The following CEP57L1 variants were observed in gnomAD, a reference collection of about 807,000 sequenced individuals.
The protein encoded by CEP57L1 is centrosomal protein CEP57L1.
A neutral mutation model predicts 61.0 loss-of-function variants in CEP57L1; 37 were observed. The ratio of observed to expected loss-of-function variants is 0.61; its 90% CI spans 0.47 to 0.80. The LOEUF is 0.80. Ranked by LOEUF, CEP57L1 falls within the 30% of genes least tolerant of loss-of-function variation. The probability of loss-of-function intolerance (pLI) is 0.00; values close to 1 mark genes in which losing one functional copy is unlikely to be tolerated. For synonymous variants in CEP57L1, 137 were observed against 162.3 expected, an observed-to-expected ratio of 0.84 and a Z score of 1.19; for missense variants, 422 against 524.7, an observed-to-expected ratio of 0.80 and a Z score of 1.91.
In CEP57L1 at chr6:109,155,793, T is replaced by A; in HGVS notation, c.660T>A (p.Leu220=). The A allele has an allele frequency of 6.6e-7, 1 of 1,510,404 alleles. No homozygotes were observed. The highest frequency in any genetic ancestry group is 9.1e-7 in the Non-Finnish European group (1 of 1,094,604). 93.6% of individuals were successfully genotyped at this position (1,510,404 alleles called of 1,614,324 possible). The stretch of plus-strand genomic sequence containing the variant: ...AACCTTTTTTTTAAATATTACAGCT[T>A]CAAACTGGACTTGAAATCAGTAAAA... The part of the protein sequence containing the change: ...RKLFQDKASE[L]QTGLEISKII... Residue 220 remains leucine, a splice_region_variant and synonymous_variant, in exon 7 of 11, where the codon CTT becomes CTA. Coordinates refer to ENST00000517392, the MANE Select transcript of CEP57L1 (RefSeq NM_001271852.3).
chr6:109,169,147 A>T lies in CEP57L1; in HGVS notation c.*6177A>T, dbSNP rs1356467320. 2.0e-5 allele frequency among the ~76,000 whole-genome samples: 3 copies of T among 148,840 alleles called. No homozygotes were observed. The highest frequency in any genetic ancestry group is 7.4e-5 in the African/African-American group (3 of 40,720). ...AGGCTAAGGCCAGAGGATTGCTTGA[A>T]CCAGGGAGGCGGAGGTTGCAGTAAG... On this transcript the variant is annotated 3_prime_UTR_variant, in exon 11 of 11. Transcript: ENST00000517392.
intron 1 of CEP57L1, among the ~76,000 whole-genome samples, chr6:109,101,295 T>C (rs1782369294): frequency 6.6e-6 from 1 of 152,244 alleles, no homozygotes. Flanking sequence ...ATGCAGTATG[T>C]TGCCTTTTAG....
At chr6:109,119,727 G>A (rs1226085526) in intron 1 of CEP57L1, among the ~76,000 whole-genome samples, 2 of 152,170 alleles carry the variant, frequency 1.3e-5, no homozygotes, top group Admixed American at 6.5e-5. Flanking sequence ...TGGGCCTGGA[G>A]AAGGCATTAG....
chr6:109,126,255 T>C (rs1773550666), intron 1 of CEP57L1, among the ~76,000 whole-genome samples: 1 of 152,184 alleles, frequency 6.6e-6, no homozygotes, highest in Admixed American at 6.5e-5. Context: ...CAAATGAAAA[T>C]ATGTAAGTGC....
intron 3 of CEP57L1, among the ~76,000 whole-genome samples, chr6:109,147,410 T>C (rs1029587990): frequency 6.6e-6 from 1 of 152,082 alleles, no homozygotes; most frequent in Non-Finnish European, 1.5e-5. Flanking sequence ...TTAGAAGACA[T>C]AGGCAAATGG....
intron 1 of CEP57L1, among the ~76,000 whole-genome samples, chr6:109,112,932 A>T (rs1344686569): frequency 6.6e-6 from 1 of 152,114 alleles, no homozygotes; most frequent in Non-Finnish European, 1.5e-5. Flanking sequence ...ACTTCCAATT[A>T]TGTGGTCAAT....
chr6:109,117,915 T>A (rs1345860528), intron 1 of CEP57L1, among the ~76,000 whole-genome samples: 3 of 152,172 alleles, frequency 2.0e-5, no homozygotes, highest in African/African-American at 4.8e-5. Flanking sequence ...CTCAGCACTT[T>A]CAGCATTTGG....
chr6:109,098,456 T>A (rs535792615), intron 1 of CEP57L1, among the ~76,000 whole-genome samples: 2 of 152,154 alleles, frequency 1.3e-5, no homozygotes, highest in African/African-American at 4.8e-5. Context: ...TCTTTCTTTT[T>A]TCCTGAGACA....
At chr6:109,161,545 ATTAC>A (rs1773720788) in intron 10 of CEP57L1, among the ~76,000 whole-genome samples, 1 of 152,172 alleles carries the variant, frequency 6.6e-6, no homozygotes, top group Non-Finnish European at 1.5e-5. Context: ...GCAGAATATT[ATTAC>A]TTTTATTCTT....
At chr6:109,099,800 G>A (rs1171970067) in intron 1 of CEP57L1, among the ~76,000 whole-genome samples, 2 of 152,098 alleles carry the variant, frequency 1.3e-5, no homozygotes, top group Middle Eastern at 3.4e-3. Context: ...CACCCGCCTC[G>A]GCCTCCCAAA....
Position 109,173,593 on chromosome 6 carries a change from TAA to T in CEP57L1, c.*10637_*10638del, listed in dbSNP as rs75064977. 1.5e-3 allele frequency among the ~76,000 whole-genome samples: 218 copies of T among 141,594 alleles called. No individual in the cohort carries two copies. Among genetic ancestry groups the T allele is most frequent in the African/African-American group, 5.2e-3 (198 of 38,268 alleles). The allele number at this position is 141,594 out of a possible 152,430, so 92.9% of individuals were successfully genotyped here. On this transcript the variant is annotated 3_prime_UTR_variant, in exon 11 of 11. Coordinates refer to ENST00000517392, the MANE Select transcript of CEP57L1 (RefSeq NM_001271852.3). ...GTGCATGCCACCACACCTGGCTAAT[TAA>T]AAAAAAAAAAAAATTTTTTTTTTTG...
rs547614483 is a variant in CEP57L1 at position 109,156,051 on chromosome 6, T to C, written c.744+174T>C. 598 of 431,830 alleles carry C rather than the reference T, an allele frequency of 1.4e-3. 5 individuals are homozygous for C. In the Middle Eastern group the frequency reaches 0.022, roughly 16 times the overall value. 26.7% of individuals were successfully genotyped at this position (431,830 alleles called of 1,614,324 possible). ...GTTTGGGGTATAAGGACAGAAAATT[T>C]CATAAGATTCAGGTTAAAAAAAGTA... On this transcript the variant is annotated intron_variant, in intron 7 of 10. Transcript: ENST00000517392.
intron 1 of CEP57L1, among the ~76,000 whole-genome samples, chr6:109,108,243 T>C (rs542576044): frequency 4.3e-4 from 62 of 145,388 alleles, no homozygotes; most frequent in African/African-American, 1.3e-3. Context: ...ATTTTTCTCT[T>C]TTTTTTTTTT....
At chr6:109,136,957 GC>G (rs1770809285) in intron 1 of CEP57L1, among the ~76,000 whole-genome samples, 1 of 151,912 alleles carries the variant, frequency 6.6e-6, no homozygotes, top group African/African-American at 2.4e-5. Flanking sequence ...CTCCATGTTG[GC>G]CAGGCTGGTC....
chr6:109,141,584 C>T (rs1771390822), intron 1 of CEP57L1, among the ~76,000 whole-genome samples: 1 of 151,910 alleles, frequency 6.6e-6, no homozygotes, highest in African/African-American at 2.4e-5. Flanking sequence ...TTTCTATTGA[C>T]CAGTTTTTAT....
chr6:109,125,394 TCTGA>T (rs1773428994), intron 1 of CEP57L1, among the ~76,000 whole-genome samples: 1 of 151,652 alleles, frequency 6.6e-6, no homozygotes. Context: ...CACAATTAAT[TCTGA>T]CTATTAAGTC....
rs1319671421 is a variant in CEP57L1, at chr6:109,162,940, G to A, written c.1353G>A (p.Leu451=). The A allele has an allele frequency of 6.2e-7, 1 of 1,612,146 alleles. No individual in the cohort carries two copies. The highest frequency in any genetic ancestry group is 1.7e-5 in the Admixed American group (1 of 59,964). Residue 451 remains leucine (L), a synonymous_variant, in exon 11 of 11, where the codon TTG becomes TTA. Transcript: ENST00000517392. ...PIRVHNLQMK[L]RRDDIMWEQ ...GAGTTCATAATCTTCAAATGAAATT[G>A]AGAAGAGATGATATCATGTGGGAAC...
rs781543852 is a variant in CEP57L1 at position 109,164,266 on chromosome 6, A to C, written c.*1296A>C. On this transcript the variant is annotated 3_prime_UTR_variant, in exon 11 of 11. Coordinates refer to ENST00000517392, the MANE Select transcript of CEP57L1 (RefSeq NM_001271852.3). ...TTCCCAAGAAGCTTGTGTAGGAAAA[A>C]GTTGGTAATTATGGATCTTTTGGGG... 2.0e-5 allele frequency among the ~76,000 whole-genome samples: 3 copies of C among 152,180 alleles called. No homozygotes were observed. The highest frequency in any genetic ancestry group is 4.4e-5 in the Non-Finnish European group (3 of 68,032).
At position 109,127,864 on chromosome 6, in the gene CEP57L1, G is replaced by T. The variant is rs917056930; in HGVS notation, c.-3-17355G>T. ...AGGATGGTCTCAATCTGCTGACCTC[G>T]TGATCCGCCCGCCTCGGCCTCCCAA... On this transcript the variant is annotated intron_variant, in intron 1 of 10. Transcript: ENST00000517392. Among the ~76,000 whole-genome samples the T allele has an allele frequency of 4.0e-5, 6 of 151,566 alleles. No individual in the cohort carries two copies. In the East Asian group the frequency reaches 1.2e-3, roughly 29 times the overall value.
Sources: gnomAD v4.1 joint callset for allele counts (sites outside exome capture counted in the v4.1 genomes callset) on GRCh38, gnomAD v4.1.1 for gene constraint, MANE v1.5 for transcripts, NCBI Gene and HGNC (gene_info 2026-07-23, HGNC 2026-07-21) for gene names.